LRCH1: variants seen among roughly 807,000 people sequenced by gnomAD.
LRCH1 encodes leucine rich repeats and calponin homology domain containing 1, also known as leucine-rich repeat and calponin homology domain-containing protein 1.
Under a neutral mutation model 94.9 loss-of-function variants are expected in LRCH1, and 23 were observed. That is an observed-to-expected ratio of 0.24 (90% CI 0.17 to 0.34). The LOEUF is 0.34. Ranked by LOEUF, LRCH1 falls within the 10% of genes least tolerant of loss-of-function variation. The pLI, the probability that LRCH1 is intolerant of heterozygous loss-of-function variation, is 1.00. For synonymous variants in LRCH1, 364 were observed against 354.9 expected (o/e 1.03, Z -0.29); for missense variants, 790 against 945.9 (o/e 0.84, Z 2.16).
At chr13:46,748,800 A>T (rs983057709), downstream of LRCH1, among the ~76,000 whole-genome samples, 6 of 152,202 alleles carry the variant, frequency 3.9e-5, no homozygotes, top group Admixed American at 3.3e-4. Flanking sequence ...TTGTTCTTTA[A>T]AGAATCGACT....
chr13:46,604,281 G>A (rs2050664221), intron 1 of LRCH1, among the ~76,000 whole-genome samples: 1 of 152,216 alleles, frequency 6.6e-6, no homozygotes, highest in Non-Finnish European at 1.5e-5. Context: ...GGTGGGGATG[G>A]TGAGGAGGGC....
chr13:46,699,757 C>A (rs1303933842), intron 10 of LRCH1, among the ~76,000 whole-genome samples: 7 of 152,202 alleles, frequency 4.6e-5, no homozygotes, highest in Non-Finnish European at 1.0e-4. Context: ...TGATCTCCTT[C>A]TTTACCCCAA....
chr13:46,720,167 A>G (rs1170156788), intron 16 of LRCH1, among the ~76,000 whole-genome samples: 3 of 151,890 alleles, frequency 2.0e-5, no homozygotes, highest in African/African-American at 4.8e-5. Flanking sequence ...CAGGTAGATC[A>G]CTTGAGTCCA....
chr13:46,743,929 T>C lies in LRCH1; in HGVS notation c.*2081T>C. On this transcript the variant is annotated 3_prime_UTR_variant, in exon 20 of 20. Coordinates refer to ENST00000389797, the MANE Select transcript of LRCH1 (RefSeq NM_001164211.2). ...ATTCTTTGGACGCACTTTGATTTTT[T>C]TTGTGTCATTAATTTGTCTGTACTC... is the stretch of plus-strand genomic sequence containing the variant. 1.0e-6 allele frequency: 1 copy of C among 985,440 alleles called. No individual in the cohort carries two copies. The highest frequency in any genetic ancestry group is 1.2e-6 in the Non-Finnish European group (1 of 829,926). The allele number at this position is 985,440 out of a possible 1,614,324, so 61.0% of individuals were successfully genotyped here. A position where few individuals can be genotyped will look rare whatever the true frequency, so the allele number is the denominator to read the frequency against.
chr13:46,747,082 C>T (rs1053336117), downstream of LRCH1, among the ~76,000 whole-genome samples: 1 of 152,160 alleles, frequency 6.6e-6, no homozygotes, highest in Non-Finnish European at 1.5e-5. Context: ...TGGGCTTCCT[C>T]AGGGGGTCTG....
chr13:46,619,114 T>TCCTTCCTTCC (rs199724868), intron 1 of LRCH1, among the ~76,000 whole-genome samples: 24 of 10,650 alleles, frequency 2.3e-3, no homozygotes, highest in African/African-American at 0.01. Flanking sequence ...CTTCCTTCCT[T>TCCTTCCTTCC]TTTTTTGGTT....
intron 1 of LRCH1, among the ~76,000 whole-genome samples, chr13:46,568,242 C>T (rs943301996): frequency 5.9e-5 from 9 of 152,114 alleles, no homozygotes; most frequent in Admixed American, 1.3e-4. Flanking sequence ...CCAGGTTTAC[C>T]GGGGACAGTC....
chr13:46,624,342 C>G (rs894567412), intron 1 of LRCH1, among the ~76,000 whole-genome samples: 1 of 152,168 alleles, frequency 6.6e-6, no homozygotes, highest in African/African-American at 2.4e-5. Flanking sequence ...TGGAAGTGTT[C>G]CATGCCTTAT....
intron 5 of LRCH1, among the ~76,000 whole-genome samples, chr13:46,687,513 C>T (rs900296094): frequency 1.3e-5 from 2 of 152,084 alleles, no homozygotes; most frequent in African/African-American, 4.8e-5. Flanking sequence ...AATAATTGTG[C>T]TTTTCTCATC....
chr13:46,647,585 T>C (rs377425031), intron 1 of LRCH1, among the ~76,000 whole-genome samples: 1 of 152,218 alleles, frequency 6.6e-6, no homozygotes, highest in East Asian at 1.9e-4. Flanking sequence ...TATATGTTTA[T>C]GGTGAAGTTT....
intron 3 of LRCH1, among the ~76,000 whole-genome samples, chr13:46,678,545 C>A (rs2051707652): frequency 6.6e-6 from 1 of 152,150 alleles, no homozygotes; most frequent in South Asian, 2.1e-4. Flanking sequence ...TTGACCTTCA[C>A]CATATACCCT....
chr13:46,684,030 A>G (rs1870472705), intron 4 of LRCH1, among the ~76,000 whole-genome samples: 1 of 152,194 alleles, frequency 6.6e-6, no homozygotes, highest in African/African-American at 2.4e-5. Context: ...TTGAGGATGA[A>G]AAAAGAAAAC....
At chr13:46,741,057 G>C (rs1456181120) in intron 19 of LRCH1, among the ~76,000 whole-genome samples, 1 of 152,104 alleles carries the variant, frequency 6.6e-6, no homozygotes, top group Non-Finnish European at 1.5e-5. Flanking sequence ...AATATGAAAT[G>C]TAATGTACTT....
chr13:46,676,001 G>A (rs953297520), intron 3 of LRCH1, among the ~76,000 whole-genome samples: 39 of 152,166 alleles, frequency 2.6e-4, no homozygotes, highest in African/African-American at 9.2e-4. Context: ...AGTTCTGGCC[G>A]GGTGCGGTGG....
chr13:46,585,208 C>T (rs1211845991), intron 1 of LRCH1, among the ~76,000 whole-genome samples: 4 of 152,106 alleles, frequency 2.6e-5, no homozygotes, highest in African/African-American at 9.7e-5. Flanking sequence ...ACCTGTATTT[C>T]AAAACATGCT....
chr13:46,666,756 A>G (rs1363309157), intron 2 of LRCH1, among the ~76,000 whole-genome samples: 2 of 152,222 alleles, frequency 1.3e-5, no homozygotes, highest in Non-Finnish European at 2.9e-5. Flanking sequence ...CCACCTTTTA[A>G]TAAACTGAGT....
chr13:46,736,118 CTGTGTGTGTGTGTG>C (rs3138585), intron 19 of LRCH1, among the ~76,000 whole-genome samples: 7 of 142,298 alleles, frequency 4.9e-5, no homozygotes, highest in Non-Finnish European at 9.1e-5. Context: ...CAAATTTGCT[CTGTGTGTGTGTGTG>C]TGTGTGTGTG....
intron 3 of LRCH1, among the ~76,000 whole-genome samples, chr13:46,675,141 G>A (rs2051654054): frequency 6.6e-6 from 1 of 152,186 alleles, no homozygotes; most frequent in Admixed American, 6.5e-5. Context: ...TTGGAAACAT[G>A]GTTCTTTTAC....
intron 1 of LRCH1, among the ~76,000 whole-genome samples, chr13:46,592,313 C>T (rs1336066881): frequency 6.6e-6 from 1 of 152,156 alleles, no homozygotes; most frequent in Non-Finnish European, 1.5e-5. Flanking sequence ...GCTTATGGCC[C>T]CCAAAACTGT....
Sources: allele counts gnomAD v4.1 joint callset (sites outside exome capture counted in the v4.1 genomes callset), GRCh38; gene constraint gnomAD v4.1.1; transcripts MANE v1.5; gene names NCBI Gene and HGNC (gene_info 2026-07-23, HGNC 2026-07-21).